The following KSR2 variants were observed in gnomAD, a reference collection of about 807,000 sequenced individuals.
The protein encoded by KSR2 is kinase suppressor of ras 2.
Under a neutral mutation model 107.8 loss-of-function variants are expected in KSR2, and 25 were observed. That is an observed-to-expected ratio of 0.23 (90% CI 0.17 to 0.32). The LOEUF is 0.32. Ranked by LOEUF, KSR2 falls within the 10% of genes least tolerant of loss-of-function variation. The pLI is 1.00. For missense variants in KSR2, 887 were observed against 1,268.9 expected (o/e 0.70, Z 4.57); for synonymous variants, 480 against 507.0 (o/e 0.95, Z 0.71).
At chr12:117,962,484 A>C (rs1593409112) in intron 1 of KSR2, among the ~76,000 whole-genome samples, 2 of 148,032 alleles carry the variant, frequency 1.4e-5, no homozygotes, top group African/African-American at 2.5e-5. Flanking sequence ...TCCCTCTGTC[A>C]CCCAGGCTGG....
chr12:117,777,207 C>T (rs1210875913), intron 3 of KSR2, among the ~76,000 whole-genome samples: 1 of 142,400 alleles, frequency 7.0e-6, no homozygotes. Context: ...GATTCATTAA[C>T]ATTGAGCTCA....
chr12:117,490,535 C>A (rs954925797), intron 14 of KSR2, among the ~76,000 whole-genome samples: 1 of 152,166 alleles, frequency 6.6e-6, no homozygotes, highest in African/African-American at 2.4e-5. Context: ...CACTACATTT[C>A]TTTCTTTGTA....
chr12:117,586,594 AAAG>A (rs1200546482), intron 5 of KSR2, among the ~76,000 whole-genome samples: 11 of 149,064 alleles, frequency 7.4e-5, no homozygotes, highest in Non-Finnish European at 1.5e-4. Context: ...AAAAAAAAAA[AAAG>A]AAGAAGAAAG....
At chr12:117,906,370 A>C (rs2137412328) in intron 1 of KSR2, among the ~76,000 whole-genome samples, 1 of 150,746 alleles carries the variant, frequency 6.6e-6, no homozygotes, top group Non-Finnish European at 1.5e-5. Context: ...AAAAAAAAAA[A>C]AAAAAACTTG....
intron 5 of KSR2, among the ~76,000 whole-genome samples, chr12:117,635,792 T>A (rs1262954684): frequency 2.8e-5 from 4 of 145,126 alleles, no homozygotes; most frequent in Non-Finnish European, 6.1e-5. Context: ...ATTGGTATGT[T>A]ACTTTTTTTT....
Position 117,476,422 on chromosome 12 carries a change from C to T in KSR2, c.2582+42G>A, listed in dbSNP as rs371139692. On this transcript the variant is annotated intron_variant, in intron 17 of 19. Coordinates refer to ENST00000339824, the MANE Select transcript of KSR2 (RefSeq NM_173598.6). ...GAAAGACTTGAGAAGTGCCCCTCTG[C>T]CCAGGCTGTGGCTCTCAATGGCCAG... The T allele has an allele frequency of 3.1e-5, 47 of 1,537,548 alleles. No individual in the cohort carries two copies. In the African/African-American group the frequency reaches 4.4e-4, roughly 14 times the overall value.
chr12:117,528,186 C>T (rs770525735), intron 12 of KSR2, among the ~76,000 whole-genome samples: 7 of 151,812 alleles, frequency 4.6e-5, no homozygotes, highest in Non-Finnish European at 7.4e-5. Flanking sequence ...TGCTGTATGC[C>T]GATAGTATAA....
chr12:117,527,586 T>C (rs1875289753), intron 12 of KSR2, among the ~76,000 whole-genome samples: 1 of 152,222 alleles, frequency 6.6e-6, no homozygotes, highest in South Asian at 2.1e-4. Flanking sequence ...AGGATCTCAG[T>C]GTTCTTGTTT....
At position 117,502,010 on chromosome 12, in the gene KSR2, C is replaced by T. The variant is rs571221955; in HGVS notation, c.2220-16319G>A. Among the ~76,000 whole-genome samples, 168 of 152,324 alleles carry T rather than the reference C, an allele frequency of 1.1e-3. 2 individuals are homozygous for T. The highest frequency in any genetic ancestry group is 3.9e-3 in the South Asian group (19 of 4,828). On this transcript the variant is annotated intron_variant, in intron 14 of 19. Coordinates refer to ENST00000339824, the MANE Select transcript of KSR2 (RefSeq NM_173598.6). ...TTCTTACAGACCACTGACTTCAAAA[C>T]GGCCATTGGGAGGAAATGACCTGAC...
intron 4 of KSR2, among the ~76,000 whole-genome samples, chr12:117,686,029 G>A (rs1885558978): frequency 6.7e-6 from 1 of 149,810 alleles, no homozygotes; most frequent in Non-Finnish European, 1.5e-5. Flanking sequence ...GCATTTCAGA[G>A]GCATCAGCTC....
At chr12:117,873,067 C>T (rs377582584) in intron 1 of KSR2, among the ~76,000 whole-genome samples, 1 of 152,100 alleles carries the variant, frequency 6.6e-6, no homozygotes. Flanking sequence ...AAGCCATGTG[C>T]CCGCCAGGTA....
rs186228685 is a variant in KSR2, at chr12:117,912,620, G to A, written c.181-52189C>T. Among the ~76,000 whole-genome samples the A allele has an allele frequency of 1.6e-3, 236 of 152,250 alleles. 1 individual carries two copies. The highest frequency in any genetic ancestry group is 3.4e-3 in the Middle Eastern group (1 of 294). On this transcript the variant is annotated intron_variant, in intron 1 of 19. Transcript: ENST00000339824. ...AAGATGCAAAGTATTCCATCCAGAC[G>A]TCCTCAATACCAAAAATGTTTCAGC...
chr12:117,529,405 G>A (rs1213757215), intron 12 of KSR2, among the ~76,000 whole-genome samples: 1 of 151,938 alleles, frequency 6.6e-6, no homozygotes, highest in African/African-American at 2.4e-5. Flanking sequence ...TAATATAGAC[G>A]GGGTTTCACC....
intron 14 of KSR2, among the ~76,000 whole-genome samples, chr12:117,493,756 T>C (rs1872871864): frequency 6.6e-6 from 1 of 152,102 alleles, no homozygotes; most frequent in African/African-American, 2.4e-5. Context: ...AGAATTCCCA[T>C]GTGTTGTGGG....
At chr12:117,591,705 C>T (rs1363139234) in intron 5 of KSR2, among the ~76,000 whole-genome samples, 1 of 144,220 alleles carries the variant, frequency 6.9e-6, no homozygotes, top group Non-Finnish European at 1.5e-5. Flanking sequence ...TGGTCCCACC[C>T]CTGCTTAAAA....
At chr12:117,635,895 G>A (rs11068595) in intron 5 of KSR2, among the ~76,000 whole-genome samples, 16,317 of 151,432 alleles carry the variant, frequency 0.11, 991 homozygotes, top group African/African-American at 0.15. Flanking sequence ...AGGTTCAAGC[G>A]ATTCTCCCAC....
chr12:117,959,528 C>T (rs1896602917), intron 1 of KSR2, among the ~76,000 whole-genome samples: 1 of 152,178 alleles, frequency 6.6e-6, no homozygotes, highest in Admixed American at 6.5e-5. Flanking sequence ...TAACTACCAA[C>T]TTGTCTCCCT....
At chr12:117,559,377 A>G (rs1323562051) in intron 7 of KSR2, among the ~76,000 whole-genome samples, 1 of 152,200 alleles carries the variant, frequency 6.6e-6, no homozygotes, top group Non-Finnish European at 1.5e-5. Context: ...TGTATTTATG[A>G]TCATCATCAC....
chr12:117,845,392 T>C (rs1892663015), intron 3 of KSR2, among the ~76,000 whole-genome samples: 1 of 152,076 alleles, frequency 6.6e-6, no homozygotes, highest in East Asian at 1.9e-4. Flanking sequence ...AGAATGCTCT[T>C]CCCCCAGATC....
Sources: allele counts gnomAD v4.1 joint callset (sites outside exome capture counted in the v4.1 genomes callset), GRCh38; gene constraint gnomAD v4.1.1; transcripts MANE v1.5; gene names NCBI Gene and HGNC (gene_info 2026-07-23, HGNC 2026-07-21).